The following PDS5B variants were observed in gnomAD, a reference collection of about 807,000 sequenced individuals.
The protein encoded by PDS5B is sister chromatid cohesion protein PDS5 homolog B.
PDS5B carries 51 observed loss-of-function variants against 184.1 expected under a neutral mutation model. That is an observed-to-expected ratio of 0.28 (90% CI 0.22 to 0.35). The LOEUF is 0.35. Ranked by LOEUF, PDS5B falls within the 10% of genes least tolerant of loss-of-function variation. The probability of loss-of-function intolerance (pLI) is 1.00; values close to 1 mark genes in which losing one functional copy is unlikely to be tolerated. For missense variants in PDS5B, 1,180 were observed against 1,723.3 expected (o/e 0.68, Z 5.58); for synonymous variants, 566 against 569.2 (o/e 0.99, Z 0.08).
At chr13:32,606,802 A>G (rs2058067214) in intron 1 of PDS5B, among the ~76,000 whole-genome samples, 1 of 151,978 alleles carries the variant, frequency 6.6e-6, no homozygotes, top group Non-Finnish European at 1.5e-5. Context: ...TTCTTGCTTC[A>G]TTTCATTCAT....
intron 24 of PDS5B, among the ~76,000 whole-genome samples, chr13:32,747,556 C>T (rs1953797911): frequency 2.1e-5 from 3 of 144,268 alleles, no homozygotes; most frequent in Admixed American, 7.2e-5. Context: ...CATTGCACTC[C>T]AGCCTGGGCA....
chr13:32,679,080 ATTTT>A, intron 10 of PDS5B, 151 bp downstream of exon 10: 1 of 362,130 alleles, frequency 2.8e-6, no homozygotes, highest in Non-Finnish European at 5.0e-6. Flanking sequence ...CTGAAGCTAG[ATTTT>A]TTTTTTTTTT....
At chr13:32,700,163 G>C (rs1381491891) in intron 16 of PDS5B, among the ~76,000 whole-genome samples, 2 of 152,008 alleles carry the variant, frequency 1.3e-5, no homozygotes, top group African/African-American at 4.8e-5. Flanking sequence ...AATTTGTTGA[G>C]TAGTCCACTA....
intron 21 of PDS5B, 59 bp from the exon 22 acceptor site, chr13:32,741,021 A>G: frequency 2.0e-6 from 2 of 1,001,074 alleles, no homozygotes; most frequent in Non-Finnish European, 3.1e-6. Flanking sequence ...CTAATTGAAA[A>G]GAATTCATAT....
chr13:32,775,095 A>ATATTTTTTTTTTT lies in PDS5B; in HGVS notation c.*44_*45insATTTTTTTTTTTT. The ATATTTTTTTTTTT allele has an allele frequency of 1.8e-6, 1 of 547,620 alleles. No homozygotes were observed. The highest frequency in any genetic ancestry group is 2.6e-6 in the Non-Finnish European group (1 of 388,736). The allele number at this position is 547,620 out of a possible 1,614,324, so 33.9% of individuals were successfully genotyped here. A position where few individuals can be genotyped will look rare whatever the true frequency, so the allele number is the denominator to read the frequency against. ...CTTTCTCTGTGAAAGCTTTGGAAAA[A>ATATTTTTTTTTTT]TCTTTTTTTTTTTTTTTGGTCAAGC... is the stretch of plus-strand genomic sequence containing the variant. On this transcript the variant is annotated 3_prime_UTR_variant, in exon 35 of 35. Coordinates refer to ENST00000315596, the MANE Select transcript of PDS5B (RefSeq NM_015032.4).
chr13:32,746,726 A>G (rs1314595720), intron 24 of PDS5B, among the ~76,000 whole-genome samples: 1 of 152,226 alleles, frequency 6.6e-6, no homozygotes, highest in African/African-American at 2.4e-5. Context: ...CAAAAAGGAC[A>G]CTGTTTACGT....
intron 31 of PDS5B, among the ~76,000 whole-genome samples, chr13:32,768,289 G>T (rs1344189168): frequency 2.0e-5 from 3 of 152,070 alleles, no homozygotes; most frequent in Non-Finnish European, 4.4e-5. Flanking sequence ...AGAGGTGTGG[G>T]GTGGGAGGAA....
In PDS5B at chr13:32,753,401, C is replaced by T. The variant is rs1481883016; in HGVS notation, c.2806C>T (p.Pro936Ser). 3 of 1,613,938 alleles carry T rather than the reference C, an allele frequency of 1.9e-6. No individual in the cohort carries two copies. Among genetic ancestry groups the T allele is most frequent in the Non-Finnish European group, 1.7e-6 (2 of 1,179,854 alleles). ...LHKGLSRLRL[P>S]LEYMAICALC... ...CAAAGGCCTTTCCCGTTTACGGCTTCCACTTGAGTATATGGCAATCTGTGC... is the reference window on the plus strand; with the variant it reads ...CAAAGGCCTTTCCCGTTTACGGCTTTCACTTGAGTATATGGCAATCTGTGC... Residue 936 changes from proline (P) to serine (S), a missense_variant, in exon 25 of 35, where the codon CCA becomes TCA. Transcript: ENST00000315596.
At chr13:32,769,460 G>A (rs1247769169) in intron 31 of PDS5B, among the ~76,000 whole-genome samples, 5 of 152,084 alleles carry the variant, frequency 3.3e-5, no homozygotes, top group African/African-American at 4.8e-5. Flanking sequence ...CAGCCTTCAC[G>A]CTGGTTCACA....
rs763321690 is a variant in PDS5B at position 32,770,136 on chromosome 13, C to A, written c.3640C>A (p.Pro1214Thr). 4.3e-6 allele frequency: 7 copies of A among 1,611,834 alleles called. No homozygotes were observed. In the East Asian group the frequency reaches 1.3e-4, roughly 31 times the overall value. Residue 1214 changes from proline to threonine, a missense_variant, in exon 32 of 35, where the codon CCT (proline) becomes ACT (threonine). Coordinates refer to ENST00000315596, the MANE Select transcript of PDS5B (RefSeq NM_015032.4). ...SDLVRSELEK[P>T]RGRKKTPVTE... ...TTTCCCCTAGTCTGAATTGGAGAAG[C>A]CTAGAGGCAGGAAAAAAACGCCCGT...
rs185909481 is a variant in PDS5B at position 32,745,962 on chromosome 13, C to T, written c.2613-15C>T. ...TTTTAAATGCTAATCTATATTCATT[C>T]TACTCATTTTTCAGTAAACCAGATA... On this transcript the variant is annotated splice_polypyrimidine_tract_variant and intron_variant, in intron 23 of 34. Transcript: ENST00000315596. The T allele has an allele frequency of 2.5e-6, 4 of 1,593,198 alleles. No individual in the cohort carries two copies. In the African/African-American group the frequency reaches 5.4e-5, roughly 21 times the overall value.
At chr13:32,646,940 T>C (rs1380979718) in intron 1 of PDS5B, among the ~76,000 whole-genome samples, 1 of 152,208 alleles carries the variant, frequency 6.6e-6, no homozygotes, top group Admixed American at 6.5e-5. Context: ...TTCTGGCTTA[T>C]GTTGTTGCTG....
intron 1 of PDS5B, among the ~76,000 whole-genome samples, chr13:32,621,432 G>A (rs1401452167): frequency 6.6e-6 from 1 of 152,010 alleles, no homozygotes; most frequent in Non-Finnish European, 1.5e-5. Flanking sequence ...TTGCCACTGC[G>A]CTCCAGCCTG....
intron 19 of PDS5B, among the ~76,000 whole-genome samples, chr13:32,730,527 T>C (rs941640396): frequency 4.6e-5 from 7 of 152,196 alleles, no homozygotes; most frequent in Non-Finnish European, 7.3e-5. Context: ...ATCTATAAAT[T>C]ATTTTGGGCA....
intron 21 of PDS5B, among the ~76,000 whole-genome samples, chr13:32,740,817 G>C (rs1953515294): frequency 6.6e-6 from 1 of 151,948 alleles, no homozygotes; most frequent in Non-Finnish European, 1.5e-5. Context: ...TGTGTAAGAA[G>C]TTAGAGTTAG....
Position 32,701,372 on chromosome 13 carries a change from T to C in PDS5B, c.1790T>C (p.Phe597Ser). 1 of 1,612,912 alleles carries C rather than the reference T, an allele frequency of 6.2e-7. No individual in the cohort carries two copies. The highest frequency in any genetic ancestry group is 1.1e-5 in the South Asian group (1 of 91,038). The change falls in exon 17 of 35, where the codon TTC becomes TCC. Residue 597 changes from phenylalanine to serine, a missense_variant. Transcript: ENST00000315596. ...LGNPKQPTNPFLEMIKFLLER... is the reference protein window; with the variant it reads ...LGNPKQPTNPSLEMIKFLLER... The stretch of plus-strand genomic sequence containing the variant: ...AACCCCAAACAGCCTACAAATCCTT[T>C]CCTGGAAATGATCAAGTTTCTCTTG...
chr13:32,601,885 G>A (rs1261108803), intron 1 of PDS5B, among the ~76,000 whole-genome samples: 2 of 152,260 alleles, frequency 1.3e-5, no homozygotes, highest in African/African-American at 4.8e-5. Context: ...TGGTTATTTT[G>A]TATTGCCAGC....
At chr13:32,665,604 A>AAAG (rs1159026110) in intron 6 of PDS5B, among the ~76,000 whole-genome samples, 3 of 150,350 alleles carry the variant, frequency 2.0e-5, no homozygotes, top group African/African-American at 7.3e-5. Flanking sequence ...AAAAAAAAAA[A>AAAG]AAAAAAAAAA....
chr13:32,647,177 C>T (rs1437134373), intron 1 of PDS5B, among the ~76,000 whole-genome samples: 1 of 152,170 alleles, frequency 6.6e-6, no homozygotes, highest in African/African-American at 2.4e-5. Context: ...TCATTCTTCT[C>T]TCTCTATAAC....
Sources: gnomAD v4.1 joint callset for allele counts (sites outside exome capture counted in the v4.1 genomes callset) on GRCh38, gnomAD v4.1.1 for gene constraint, MANE v1.5 for transcripts, NCBI Gene and HGNC (gene_info 2026-07-23, HGNC 2026-07-21) for gene names.